The following DTNB variants were observed in gnomAD, a reference collection of about 807,000 sequenced individuals.
DTNB encodes dystrobrevin beta.
Under a neutral mutation model 90.7 loss-of-function variants are expected in DTNB, and 63 were observed. The ratio of observed to expected loss-of-function variants is 0.69; its 90% CI spans 0.57 to 0.86. The LOEUF (loss-of-function observed/expected upper bound fraction) is 0.86, where lower values mean the gene tolerates loss of function less well. Ranked by LOEUF, DTNB falls within the 40% of genes least tolerant of loss-of-function variation. The pLI is 0.00. For synonymous variants in DTNB, 277 were observed against 286.7 expected (o/e 0.97, Z 0.34); for missense variants, 744 against 807.1 (o/e 0.92, Z 0.95).
At chr2:25,555,092 C>T (rs999660025) in intron 8 of DTNB, among the ~76,000 whole-genome samples, 4 of 151,612 alleles carry the variant, frequency 2.6e-5, no homozygotes, top group African/African-American at 9.7e-5. Flanking sequence ...GTCAGGAGAT[C>T]GAGACCATCC....
chr2:25,640,651 T>G (rs1347434510), intron 2 of DTNB, among the ~76,000 whole-genome samples: 11 of 152,186 alleles, frequency 7.2e-5, no homozygotes, highest in African/African-American at 2.7e-4. Flanking sequence ...AGCTCACACC[T>G]GTAATCTCAG....
chr2:25,466,406 T>C (rs2061787120), intron 10 of DTNB, among the ~76,000 whole-genome samples: 1 of 152,156 alleles, frequency 6.6e-6, no homozygotes, highest in African/African-American at 2.4e-5. Flanking sequence ...AACAGGTAAG[T>C]GACAAAGCTT....
chr2:25,491,639 T>C (rs1230475742), intron 9 of DTNB, among the ~76,000 whole-genome samples: 1 of 152,144 alleles, frequency 6.6e-6, no homozygotes, highest in Non-Finnish European at 1.5e-5. Flanking sequence ...GCAGACTCTT[T>C]TTCCCCTTCA....
chr2:25,633,158 GCTCTCC>G (rs201883625), intron 3 of DTNB, among the ~76,000 whole-genome samples: 4,142 of 152,002 alleles, frequency 0.027, 266 homozygotes, highest in Admixed American at 0.15. Context: ...TTTTAAAATA[GCTCTCC>G]CTCTCCCTCT....
chr2:25,380,208 G>A (rs537263562), intron 19 of DTNB, among the ~76,000 whole-genome samples: 12 of 152,228 alleles, frequency 7.9e-5, no homozygotes, highest in African/African-American at 1.7e-4. Context: ...TTTATATTAC[G>A]TCAGTATGGT....
intron 8 of DTNB, among the ~76,000 whole-genome samples, chr2:25,535,862 C>A (rs984640961): frequency 6.7e-6 from 1 of 148,902 alleles, no homozygotes; most frequent in Non-Finnish European, 1.5e-5. Flanking sequence ...CAGAGGCGCT[C>A]CTCACCTCCC....
intron 2 of DTNB, among the ~76,000 whole-genome samples, chr2:25,645,489 A>T (rs1393551191): frequency 6.6e-6 from 1 of 152,164 alleles, no homozygotes; most frequent in Non-Finnish European, 1.5e-5. Flanking sequence ...CCAGGCATTG[A>T]AGTGCAGTTT....
chr2:25,664,815 A>G (rs968077813), intron 1 of DTNB, among the ~76,000 whole-genome samples: 6 of 152,212 alleles, frequency 3.9e-5, no homozygotes, highest in Admixed American at 1.3e-4. Context: ...AAAGCTAGGA[A>G]TCTGCGGAGT....
rs372530541 is a variant in DTNB, at chr2:25,459,293, T to G, written c.1080-3799A>C. 1.6e-4 allele frequency among the ~76,000 whole-genome samples: 25 copies of G among 152,202 alleles called. No individual in the cohort carries two copies. In the South Asian group the frequency reaches 5.0e-3, roughly 30 times the overall value. On this transcript the variant is annotated intron_variant, in intron 10 of 20. Transcript: ENST00000406818. The stretch of plus-strand genomic sequence containing the variant: ...ACATTATCCCACAGGTCCCAGAGGC[T>G]CAGTTCGTTTTCAGTCATTTTCCTC...
intron 4 of DTNB, among the ~76,000 whole-genome samples, chr2:25,613,117 T>C (rs1192836462): frequency 1.3e-5 from 2 of 152,176 alleles, no homozygotes; most frequent in Non-Finnish European, 2.9e-5. Context: ...TTTATTCATT[T>C]ATTTATTTAT....
At chr2:25,421,790 G>A (rs1051928382) in intron 15 of DTNB, among the ~76,000 whole-genome samples, 1 of 152,130 alleles carries the variant, frequency 6.6e-6, no homozygotes, top group Non-Finnish European at 1.5e-5. Flanking sequence ...AACAGAATAG[G>A]GAAATTCAGA....
intron 19 of DTNB, 55 bp downstream of exon 19, chr2:25,383,781 A>T (rs747060600): frequency 6.2e-7 from 1 of 1,613,798 alleles, no homozygotes; most frequent in Non-Finnish European, 8.5e-7. Flanking sequence ...GGGGCGGCTG[A>T]TCCATGAGCT....
chr2:25,404,747 C>T (rs868196759), intron 16 of DTNB, among the ~76,000 whole-genome samples: 2 of 151,916 alleles, frequency 1.3e-5, no homozygotes, highest in South Asian at 4.2e-4. Context: ...CCCAGCTACT[C>T]GGGAGGCTGA....
At chr2:25,670,429 A>T (rs1010187423) in intron 1 of DTNB, among the ~76,000 whole-genome samples, 9 of 151,954 alleles carry the variant, frequency 5.9e-5, no homozygotes, top group African/African-American at 2.2e-4. Context: ...ATACATAGAG[A>T]ATAGTCTGGA....
chr2:25,404,917 C>G (rs762064748), intron 16 of DTNB, among the ~76,000 whole-genome samples: 1 of 152,048 alleles, frequency 6.6e-6, no homozygotes, highest in Non-Finnish European at 1.5e-5. Flanking sequence ...AAATCCAACT[C>G]GCCACCATTA....
At chr2:25,669,637 C>G (rs2085348727) in intron 1 of DTNB, among the ~76,000 whole-genome samples, 2 of 152,192 alleles carry the variant, frequency 1.3e-5, no homozygotes, top group South Asian at 4.1e-4. Context: ...GAATCAGCAT[C>G]TAAAGGAACC....
intron 9 of DTNB, among the ~76,000 whole-genome samples, chr2:25,526,388 T>C (rs1173079906): frequency 1.6e-5 from 1 of 62,010 alleles, no homozygotes; most frequent in African/African-American, 7.5e-5. Flanking sequence ...TATATATATA[T>C]ATATATATTT....
intron 4 of DTNB, among the ~76,000 whole-genome samples, chr2:25,613,396 C>G (rs1180095059): frequency 1.3e-5 from 2 of 152,142 alleles, no homozygotes; most frequent in Non-Finnish European, 2.9e-5. Flanking sequence ...TTGCCCCCTC[C>G]CTCTGTCCCC....
chr2:25,669,955 T>C (rs2085442976), intron 1 of DTNB, among the ~76,000 whole-genome samples: 1 of 150,696 alleles, frequency 6.6e-6, no homozygotes, highest in South Asian at 2.1e-4. Flanking sequence ...TGAAAATAAA[T>C]GGATTAAATC....
Sources: allele counts gnomAD v4.1 joint callset (sites outside exome capture counted in the v4.1 genomes callset), GRCh38; gene constraint gnomAD v4.1.1; transcripts MANE v1.5; gene names NCBI Gene and HGNC (gene_info 2026-07-23, HGNC 2026-07-21).